GRM3: variants seen among roughly 807,000 people sequenced by gnomAD.
The protein encoded by GRM3 is glutamate metabotropic receptor 3.
Under a neutral mutation model 70.5 loss-of-function variants are expected in GRM3, and 26 were observed. That is an observed-to-expected ratio of 0.37 (90% confidence interval 0.27 to 0.51). The LOEUF (loss-of-function observed/expected upper bound fraction) is 0.51. GRM3 is among the 20% of genes least tolerant of loss of function. The pLI, the probability that GRM3 is intolerant of heterozygous loss-of-function variation, is 0.93. For synonymous variants in GRM3, 443 were observed against 434.9 expected (o/e 1.02, Z -0.23); for missense variants, 859 against 1,123.8 (o/e 0.76, Z 3.37).
rs116434299 is a variant in GRM3, at chr7:86,762,679, C to G, written c.-140-2327C>G. Among the ~76,000 whole-genome samples the G allele has an allele frequency of 3.3e-3, 508 of 152,188 alleles. 4 individuals are homozygous for G. The highest frequency in any genetic ancestry group is 0.011 in the African/African-American group (475 of 41,546). Reference sequence around the variant, plus strand: ...ACAACAGGAATATAAAGCCAGAAGTCAACAGTTTGATTGGGGAAGGGAGAT... The same window carrying G: ...ACAACAGGAATATAAAGCCAGAAGTGAACAGTTTGATTGGGGAAGGGAGAT... On this transcript the variant is annotated intron_variant, in intron 1 of 5. Coordinates refer to ENST00000361669, the MANE Select transcript of GRM3 (RefSeq NM_000840.3).
chr7:86,843,047 G>C (rs75169128), intron 4 of GRM3, among the ~76,000 whole-genome samples: 1 of 152,048 alleles, frequency 6.6e-6, no homozygotes, highest in African/African-American at 2.4e-5. Context: ...GGGCAGGGCT[G>C]GTTCATTTAG....
intron 1 of GRM3, among the ~76,000 whole-genome samples, chr7:86,703,321 G>A (rs887910249): frequency 2.6e-5 from 4 of 151,978 alleles, no homozygotes; most frequent in African/African-American, 9.7e-5. Flanking sequence ...AGAGGTGGGG[G>A]AACCTCCGCT....
At chr7:86,808,240 T>A (rs1462303404) in intron 3 of GRM3, among the ~76,000 whole-genome samples, 2 of 152,212 alleles carry the variant, frequency 1.3e-5, no homozygotes, top group East Asian at 3.8e-4. Flanking sequence ...GGCATTGGTA[T>A]CAGGATGATG....
Position 86,786,127 on chromosome 7 carries a change from C to A in GRM3, c.469-134C>A. The A allele has an allele frequency of 1.3e-6, 1 of 759,008 alleles. No individual in the cohort carries two copies. Among genetic ancestry groups the A allele is most frequent in the Non-Finnish European group, 2.2e-6 (1 of 455,778 alleles). The allele number at this position is 759,008 out of a possible 1,614,324, so 47.0% of individuals were successfully genotyped here. A position where few individuals can be genotyped will look rare whatever the true frequency, so the allele number is the denominator to read the frequency against. ...AAGCATCTGGTATTCATCTCAAGAA[C>A]TAACAGAAAAATGTAGCCATCTAGA... On this transcript the variant is annotated intron_variant, in intron 2 of 5. Coordinates refer to ENST00000361669, the MANE Select transcript of GRM3 (RefSeq NM_000840.3). The surrounding 1 kb of genome is among the most constrained non-coding windows in gnomAD (Gnocchi z 6.0).
chr7:86,737,015 G>A (rs936384638), intron 1 of GRM3, among the ~76,000 whole-genome samples: 2 of 151,286 alleles, frequency 1.3e-5, no homozygotes, highest in Admixed American at 6.6e-5. Flanking sequence ...CAGTCCTAGG[G>A]GCCATAAAGA....
rs2116739274 is a variant in GRM3 at position 86,839,828 on chromosome 7, G to A, written c.2314G>A (p.Gly772Ser). The change falls in exon 4 of 6, where the codon GGT (glycine) becomes AGT (serine). Residue 772 changes from glycine to serine, a missense_variant. Gly to Ser is a moderately conservative substitution (Grantham distance 56, BLOSUM62 0). Transcript: ENST00000361669. The surrounding 1 kb of genome is among the most constrained non-coding windows in gnomAD (Gnocchi z 4.5). ...AAATTTCAACGAAGCTAAGTTCATA[G>A]GTTTTACCATGTACACCACGTGCAT... ...PENFNEAKFI[G>S]FTMYTTCIIW... The A allele has an allele frequency of 1.2e-6, 2 of 1,614,004 alleles. No individual in the cohort carries two copies. Among genetic ancestry groups the A allele is most frequent in the Non-Finnish European group, 1.7e-6 (2 of 1,179,926 alleles).
chr7:86,807,916 C>G (rs1797829374), intron 3 of GRM3, among the ~76,000 whole-genome samples: 1 of 152,030 alleles, frequency 6.6e-6, no homozygotes, highest in South Asian at 2.1e-4. Context: ...TGAGATAAGT[C>G]CCATCAATAC....
intron 1 of GRM3, among the ~76,000 whole-genome samples, chr7:86,754,445 G>A (rs1249280644): frequency 6.6e-6 from 1 of 152,076 alleles, no homozygotes; most frequent in Non-Finnish European, 1.5e-5. Flanking sequence ...TGGGACTTCT[G>A]ATAATAGCAT....
At chr7:86,849,433 T>A (rs572352852) in intron 4 of GRM3, among the ~76,000 whole-genome samples, 1,735 of 152,140 alleles carry the variant, frequency 0.011, 21 homozygotes, top group African/African-American at 0.039. Context: ...GAATTTTTTT[T>A]AAAAATCAAA....
Position 86,839,280 on chromosome 7 carries a change from T to C in GRM3, c.1766T>C (p.Met589Thr), listed in dbSNP as rs780674177. 3 of 1,613,696 alleles carry C rather than the reference T, an allele frequency of 1.9e-6. No homozygotes were observed. The highest frequency in any genetic ancestry group is 2.5e-6 in the Non-Finnish European group (3 of 1,179,672). The change falls in exon 4 of 6, where the codon ATG (methionine) becomes ACG (threonine). Residue 589 changes from methionine to threonine, a missense_variant. Physicochemically the swap from Met to Thr is moderately conservative, Grantham distance 81. Coordinates refer to ENST00000361669, the MANE Select transcript of GRM3 (RefSeq NM_000840.3). This position sits in a 1 kb window ranked among gnomAD's most constrained non-coding sequence, Gnocchi z 4.5. ...GPVTIACLGFMCTCMVVTVFI... is the reference protein window; with the variant it reads ...GPVTIACLGFTCTCMVVTVFI... ...GTCACCATTGCCTGTCTGGGTTTTATGTGTACATGCATGGTTGTAACTGTT... is the reference window on the plus strand; with the variant it reads ...GTCACCATTGCCTGTCTGGGTTTTACGTGTACATGCATGGTTGTAACTGTT...
chr7:86,729,383 A>G (rs1331166138), intron 1 of GRM3, among the ~76,000 whole-genome samples: 2 of 152,178 alleles, frequency 1.3e-5, no homozygotes, highest in South Asian at 2.1e-4. Context: ...ATTTTTTTAA[A>G]GAGAGTATTA....
chr7:86,851,865 A>C (rs928331103), intron 5 of GRM3, among the ~76,000 whole-genome samples: 14 of 152,188 alleles, frequency 9.2e-5, no homozygotes, highest in Non-Finnish European at 1.5e-4. Flanking sequence ...TTTTTAGCAG[A>C]CTAATCTTAA....
intron 3 of GRM3, among the ~76,000 whole-genome samples, chr7:86,790,294 T>C (rs886115563): frequency 6.6e-6 from 1 of 152,160 alleles, no homozygotes; most frequent in African/African-American, 2.4e-5. Context: ...CCTTCCTTCA[T>C]ACTTTATATC....
chr7:86,709,902 G>A (rs180793279), intron 1 of GRM3, among the ~76,000 whole-genome samples: 2 of 152,256 alleles, frequency 1.3e-5, no homozygotes, highest in East Asian at 3.9e-4. Context: ...ATCTTTGGAT[G>A]ACTTTAAGGA....
chr7:86,716,361 C>T (rs112131159), intron 1 of GRM3, among the ~76,000 whole-genome samples: 4 of 152,050 alleles, frequency 2.6e-5, no homozygotes, highest in East Asian at 1.9e-4. Context: ...ACTTAGTATA[C>T]GTATTATTCC....
chr7:86,767,797 G>C (rs751152646), intron 2 of GRM3, among the ~76,000 whole-genome samples: 5 of 151,740 alleles, frequency 3.3e-5, no homozygotes, highest in Non-Finnish European at 5.9e-5. Context: ...ACTGTGCCCT[G>C]CAAATGGCCT....
intron 1 of GRM3, among the ~76,000 whole-genome samples, chr7:86,756,981 A>T (rs1796361358): frequency 6.6e-6 from 1 of 152,118 alleles, no homozygotes; most frequent in South Asian, 2.1e-4. Context: ...TCCTGTCATG[A>T]AATCTTTATT....
chr7:86,794,107 A>G (rs1562866514), intron 3 of GRM3, among the ~76,000 whole-genome samples: 1 of 152,126 alleles, frequency 6.6e-6, no homozygotes, highest in Non-Finnish European at 1.5e-5. Flanking sequence ...CCTGTTTAAA[A>G]ATCAGTTTAC....
intron 1 of GRM3, among the ~76,000 whole-genome samples, chr7:86,706,787 A>T (rs1795067833): frequency 6.6e-6 from 1 of 152,072 alleles, no homozygotes; most frequent in African/African-American, 2.4e-5. Context: ...AGTTGACTTT[A>T]ATTAGCAAAA....
Sources: allele counts gnomAD v4.1 joint callset (sites outside exome capture counted in the v4.1 genomes callset), GRCh38; gene constraint gnomAD v4.1.1; non-coding constraint Gnocchi (gnomAD v3.1); transcripts MANE v1.5; gene names NCBI Gene and HGNC (gene_info 2026-07-23, HGNC 2026-07-21).